SUCLG2: variants seen among roughly 807,000 people sequenced by gnomAD.
SUCLG2 encodes the protein succinate--CoA ligase [GDP-forming] subunit beta, mitochondrial.
Under a neutral mutation model 47.9 loss-of-function variants are expected in SUCLG2, and 42 were observed. The ratio of observed to expected loss-of-function variants is 0.88; its 90% CI spans 0.69 to 1.14. The LOEUF (loss-of-function observed/expected upper bound fraction) is 1.14, where lower values mean the gene tolerates loss of function less well. SUCLG2 is among the 50% of genes most tolerant of loss of function. The pLI is 0.00. For missense variants in SUCLG2, 571 were observed against 525.9 expected, an observed-to-expected ratio of 1.09 and a Z score of -0.84; for synonymous variants, 195 against 197.3, an observed-to-expected ratio of 0.99 and a Z score of 0.10.
intron 9 of SUCLG2, among the ~76,000 whole-genome samples, chr3:67,459,554 T>C (rs77095379): frequency 0.034 from 5,121 of 152,258 alleles, 151 homozygotes; most frequent in East Asian, 0.15. Context: ...TGTTTATTTG[T>C]GATATAATGA....
chr3:67,567,281 T>C (rs1172161510), intron 2 of SUCLG2, among the ~76,000 whole-genome samples: 1 of 145,414 alleles, frequency 6.9e-6, no homozygotes, highest in African/African-American at 2.6e-5. Flanking sequence ...GGCAGAACTA[T>C]ACTTCCTATA....
chr3:67,428,485 A>G (rs908625841), intron 9 of SUCLG2, among the ~76,000 whole-genome samples: 9 of 152,214 alleles, frequency 5.9e-5, no homozygotes, highest in Admixed American at 5.9e-4. Flanking sequence ...AACCACAAAG[A>G]TGGTGAGAAA....
At chr3:67,447,336 AAATATAGAAAATATGATTTTAT>A (rs1703950807) in intron 9 of SUCLG2, among the ~76,000 whole-genome samples, 1 of 152,240 alleles carries the variant, frequency 6.6e-6, no homozygotes, top group Non-Finnish European at 1.5e-5. Flanking sequence ...GTGACTGTTT[AAATATAGAAAATATGATTTTAT>A]AAGTGTAGGA....
chr3:67,635,628 C>T (rs1700997122), intron 1 of SUCLG2, among the ~76,000 whole-genome samples: 1 of 152,152 alleles, frequency 6.6e-6, no homozygotes, highest in Non-Finnish European at 1.5e-5. Flanking sequence ...TCCTCTCTGA[C>T]TCTCTCCTTT....
chr3:67,630,041 T>C (rs1156503784), intron 1 of SUCLG2, among the ~76,000 whole-genome samples: 2 of 152,094 alleles, frequency 1.3e-5, no homozygotes, highest in African/African-American at 4.8e-5. Flanking sequence ...ATTGAGCTTA[T>C]AAAAGGATTC....
chr3:67,525,960 A>C (rs1183433034), intron 4 of SUCLG2, among the ~76,000 whole-genome samples: 1 of 152,222 alleles, frequency 6.6e-6, no homozygotes, highest in Non-Finnish European at 1.5e-5. Context: ...AAATGGCCAA[A>C]AGAAATTTGC....
At chr3:67,653,720 AAG>A (rs751102015) in intron 1 of SUCLG2, among the ~76,000 whole-genome samples, 1 of 152,220 alleles carries the variant, frequency 6.6e-6, no homozygotes, top group Non-Finnish European at 1.5e-5. Flanking sequence ...TGATTTCTAC[AAG>A]AGTCATCACC....
chr3:67,518,217 A>G, intron 6 of SUCLG2, 30 bp downstream of exon 6: 1 of 1,566,166 alleles, frequency 6.4e-7, no homozygotes. Flanking sequence ...GAAACAAGTC[A>G]GACACACCAT....
chr3:67,549,212 C>T (rs1019595495), intron 2 of SUCLG2, among the ~76,000 whole-genome samples: 6 of 152,124 alleles, frequency 3.9e-5, no homozygotes, highest in African/African-American at 1.4e-4. Context: ...ATACTTGCAA[C>T]CTCCAGAAAA....
intron 9 of SUCLG2, among the ~76,000 whole-genome samples, chr3:67,449,023 C>T (rs1703993171): frequency 6.6e-6 from 1 of 152,066 alleles, no homozygotes; most frequent in African/African-American, 2.4e-5. Context: ...TTTGCTTTCA[C>T]AGAAACACAT....
chr3:67,516,140 T>A (rs1378006949), intron 6 of SUCLG2, among the ~76,000 whole-genome samples: 1 of 152,152 alleles, frequency 6.6e-6, no homozygotes, highest in Non-Finnish European at 1.5e-5. Flanking sequence ...TCCAAGCTGC[T>A]GAGAAAATGA....
chr3:67,435,251 C>G lies in SUCLG2; in HGVS notation c.1063-34400G>C, dbSNP rs968900734. Among the ~76,000 whole-genome samples the G allele has an allele frequency of 9.9e-5, 15 of 152,178 alleles. 1 individual carries two copies. Among genetic ancestry groups the G allele is most frequent in the Admixed American group, 7.2e-4 (11 of 15,284 alleles). On this transcript the variant is annotated intron_variant, in intron 9 of 10. Transcript: ENST00000307227. ...GGCCCAAACAATATGCTTTCAGGATCCTTTAACAATTATTTTCCTTTTGAA... is the reference window on the plus strand; with the variant it reads ...GGCCCAAACAATATGCTTTCAGGATGCTTTAACAATTATTTTCCTTTTGAA...
intron 10 of SUCLG2, among the ~76,000 whole-genome samples, chr3:67,380,941 T>G (rs1318943055): frequency 6.6e-6 from 1 of 152,136 alleles, no homozygotes; most frequent in Non-Finnish European, 1.5e-5. Context: ...GACCCTGCCC[T>G]TGTCGTTAAC....
intron 2 of SUCLG2, among the ~76,000 whole-genome samples, chr3:67,605,376 T>C (rs1305305429): frequency 6.6e-6 from 1 of 152,170 alleles, no homozygotes; most frequent in Non-Finnish European, 1.5e-5. Context: ...ATTTTTATAT[T>C]TATGATCAAC....
At chr3:67,426,267 A>G (rs1281659843) in intron 9 of SUCLG2, among the ~76,000 whole-genome samples, 2 of 152,208 alleles carry the variant, frequency 1.3e-5, no homozygotes, top group Non-Finnish European at 2.9e-5. Flanking sequence ...ACCTGAGGTC[A>G]TTAAGGTTGG....
chr3:67,411,656 G>A (rs999203103), intron 9 of SUCLG2, among the ~76,000 whole-genome samples: 1 of 152,052 alleles, frequency 6.6e-6, no homozygotes, highest in Non-Finnish European at 1.5e-5. Context: ...ATTTGTGAAA[G>A]GCAATTTACT....
At position 67,374,911 on chromosome 3, in the gene SUCLG2, A is replaced by T. The variant is rs1335750058; in HGVS notation, c.*833T>A. On this transcript the variant is annotated 3_prime_UTR_variant, in exon 11 of 11. Coordinates refer to ENST00000307227, the MANE Select transcript of SUCLG2 (RefSeq NM_003848.4). ...CTGGGAGGATGAGGAGTAAGAGAGA[A>T]ACGAGGAGAGAAGATAGTGATACTA... The T allele has an allele frequency of 1.0e-6, 1 of 985,536 alleles. No individual in the cohort carries two copies. Among genetic ancestry groups the T allele is most frequent in the Non-Finnish European group, 1.2e-6 (1 of 829,884 alleles). The allele number at this position is 985,536 out of a possible 1,614,324, so 61.0% of individuals were successfully genotyped here.
intron 9 of SUCLG2, among the ~76,000 whole-genome samples, chr3:67,452,537 C>G (rs556495960): frequency 6.6e-6 from 1 of 152,266 alleles, no homozygotes; most frequent in South Asian, 2.1e-4. Flanking sequence ...TAAACCCTTT[C>G]TAATATGTAG....
At chr3:67,370,451 G>T (rs1243488699), downstream of SUCLG2, among the ~76,000 whole-genome samples, 1 of 152,014 alleles carries the variant, frequency 6.6e-6, no homozygotes, top group East Asian at 1.9e-4. Flanking sequence ...AATTGGCAAG[G>T]TCACCTGTTT....
Sources: gnomAD v4.1 joint callset for allele counts (sites outside exome capture counted in the v4.1 genomes callset) on GRCh38, gnomAD v4.1.1 for gene constraint, MANE v1.5 for transcripts, NCBI Gene and HGNC (gene_info 2026-07-23, HGNC 2026-07-21) for gene names.